The following ELF1 variants were observed in gnomAD, a reference collection of about 807,000 sequenced individuals.
The protein encoded by ELF1 is E74 like ETS transcription factor 1, also known as ETS-related transcription factor Elf-1.
In ELF1, 24 loss-of-function variants were observed where a neutral mutation model predicts 59.9. The ratio of observed to expected loss-of-function variants is 0.40; its 90% CI spans 0.29 to 0.56. The LOEUF is 0.56. ELF1 is among the 20% of genes least tolerant of loss of function. ELF1 has a pLI of 0.44. For synonymous variants in ELF1, 248 were observed against 266.2 expected (o/e 0.93, Z 0.67); for missense variants, 627 against 742.2 (o/e 0.84, Z 1.80).
intron 1 of ELF1, among the ~76,000 whole-genome samples, chr13:41,033,257 A>G (rs1876242602): frequency 6.6e-6 from 1 of 152,200 alleles, no homozygotes; most frequent in Non-Finnish European, 1.5e-5. Flanking sequence ...ACTATTGACT[A>G]GTTTTTAACT....
chr13:41,023,605 C>A (rs1424248150), upstream of ELF1, among the ~76,000 whole-genome samples: 1 of 152,182 alleles, frequency 6.6e-6, no homozygotes, highest in East Asian at 1.9e-4. Context: ...TGAGCTTAAA[C>A]GTAAAACACA....
At chr13:41,049,886 ATT>A (rs969008261) in intron 1 of ELF1, among the ~76,000 whole-genome samples, 15 of 152,218 alleles carry the variant, frequency 9.9e-5, no homozygotes, top group Non-Finnish European at 1.5e-4. Context: ...AGCTTTTATC[ATT>A]GTTTTATCCC....
At chr13:41,015,946 C>T (rs1220866599) in intron 1 of ELF1, among the ~76,000 whole-genome samples, 1 of 152,126 alleles carries the variant, frequency 6.6e-6, no homozygotes, top group Non-Finnish European at 1.5e-5. Context: ...AACCTTTCTC[C>T]TCTCAAACAG....
At chr13:40,935,556 C>T (rs1279183525) in intron 8 of ELF1, among the ~76,000 whole-genome samples, 5 of 152,176 alleles carry the variant, frequency 3.3e-5, no homozygotes, top group Admixed American at 6.5e-5. Flanking sequence ...CGCCCATTCA[C>T]GCAGGATACA....
intron 1 of ELF1, among the ~76,000 whole-genome samples, chr13:41,060,057 G>C (rs1877448924): frequency 6.6e-6 from 1 of 152,194 alleles, no homozygotes; most frequent in African/African-American, 2.4e-5. Flanking sequence ...TTCCGTGACT[G>C]CGACCAGCGC....
intron 7 of ELF1, among the ~76,000 whole-genome samples, chr13:40,941,870 G>C (rs2138129790): frequency 6.6e-6 from 1 of 152,160 alleles, no homozygotes; most frequent in Middle Eastern, 3.4e-3. Flanking sequence ...TGTTGCCCAG[G>C]CTGATCTGGA....
intron 1 of ELF1, among the ~76,000 whole-genome samples, chr13:41,027,839 T>C (rs1875999383): frequency 6.6e-6 from 1 of 152,184 alleles, no homozygotes; most frequent in African/African-American, 2.4e-5. Context: ...CTGAAGCAGC[T>C]AGCTTGACAG....
At chr13:40,989,068 G>T (rs1228078622) in intron 1 of ELF1, among the ~76,000 whole-genome samples, 2 of 152,158 alleles carry the variant, frequency 1.3e-5, no homozygotes, top group Admixed American at 6.5e-5. Flanking sequence ...AAAGTGCTGG[G>T]ATTACAGGCA....
chr13:40,942,949 T>A lies in ELF1; in HGVS notation c.806+3A>T. On this transcript the variant is annotated splice_donor_region_variant and intron_variant, in intron 7 of 8. Transcript: ENST00000239882. ...CACAATAAAATACCAAAACTTCGCA[T>A]ACCTGAGTGCTCTTCCCATGGTCTC... 1 of 1,553,848 alleles carries A rather than the reference T, an allele frequency of 6.4e-7. No individual in the cohort carries two copies. Among genetic ancestry groups the A allele is most frequent in the Non-Finnish European group, 8.7e-7 (1 of 1,148,482 alleles).
chr13:41,019,110 A>AT, intron 1 of ELF1, 118 bp downstream of exon 1: 3 of 849,874 alleles, frequency 3.5e-6, no homozygotes, highest in Middle Eastern at 6.0e-4. Flanking sequence ...GACCACACAC[A>AT]TTTTATCAGA....
intron 1 of ELF1, among the ~76,000 whole-genome samples, chr13:41,040,791 T>C (rs1398833008): frequency 1.3e-5 from 2 of 152,264 alleles, no homozygotes; most frequent in East Asian, 3.9e-4. Flanking sequence ...CTGAGGGGGC[T>C]GGGGATCCCT....
intron 3 of ELF1, among the ~76,000 whole-genome samples, chr13:40,955,880 A>G (rs1199352435): frequency 2.5e-5 from 2 of 80,044 alleles, no homozygotes; most frequent in African/African-American, 4.7e-5. Context: ...CCGGCCAGCC[A>G]CCCCATCCAG....
intron 8 of ELF1, among the ~76,000 whole-genome samples, chr13:40,940,386 GAAAAAA>G (rs375400990): frequency 8.2e-5 from 9 of 109,880 alleles, no homozygotes; most frequent in Non-Finnish European, 1.0e-4. Context: ...TGATTTAACT[GAAAAAA>G]AAAAAAAAAA....
intron 2 of ELF1, among the ~76,000 whole-genome samples, chr13:40,959,982 C>T (rs1237239637): frequency 6.6e-6 from 1 of 152,142 alleles, no homozygotes; most frequent in Non-Finnish European, 1.5e-5. Context: ...GTTGCAAAAA[C>T]AGCACAAATA....
chr13:41,059,572 A>G (rs1174234019), intron 1 of ELF1, among the ~76,000 whole-genome samples: 1 of 152,224 alleles, frequency 6.6e-6, no homozygotes, highest in Non-Finnish European at 1.5e-5. Context: ...CAGTAATGGC[A>G]CTGACCAGAA....
At chr13:41,025,538 G>A (rs1455117141) in intron 1 of ELF1, among the ~76,000 whole-genome samples, 6 of 152,148 alleles carry the variant, frequency 3.9e-5, no homozygotes, top group Non-Finnish European at 7.4e-5. Flanking sequence ...CTTAAAACAC[G>A]AATCCAATCC....
intron 1 of ELF1, among the ~76,000 whole-genome samples, chr13:40,986,377 G>A (rs964523504): frequency 1.3e-5 from 2 of 151,486 alleles, no homozygotes; most frequent in Non-Finnish European, 2.9e-5. Context: ...AAATGCATGT[G>A]CAGAATACTT....
intron 3 of ELF1, among the ~76,000 whole-genome samples, chr13:40,957,471 G>C (rs2138190959): frequency 6.9e-6 from 1 of 145,194 alleles, no homozygotes; most frequent in South Asian, 2.2e-4. Context: ...AAGGCATTAA[G>C]ATGTGTGTTT....
At chr13:40,956,195 G>T (rs1392111724) in intron 3 of ELF1, among the ~76,000 whole-genome samples, 2 of 151,518 alleles carry the variant, frequency 1.3e-5, no homozygotes, top group African/African-American at 4.8e-5. Flanking sequence ...GAAAGAGGTA[G>T]ACGTGGGAGA....
Sources: allele counts gnomAD v4.1 joint callset (sites outside exome capture counted in the v4.1 genomes callset), GRCh38; gene constraint gnomAD v4.1.1; transcripts MANE v1.5; gene names NCBI Gene and HGNC (gene_info 2026-07-23, HGNC 2026-07-21).